PTGER3: variants seen among roughly 807,000 people sequenced by gnomAD.
The protein encoded by PTGER3 is prostaglandin E receptor 3.
In PTGER3, 22 loss-of-function variants were observed where a neutral mutation model predicts 34.7. The observed-to-expected ratio is 0.63, with a 90% confidence interval of 0.45 to 0.91. The LOEUF (loss-of-function observed/expected upper bound fraction) is 0.91, where lower values mean the gene tolerates loss of function less well. Ranked by LOEUF, PTGER3 falls within the 40% of genes least tolerant of loss-of-function variation. The pLI is 0.00. For synonymous variants in PTGER3, 241 were observed against 230.1 expected (o/e 1.05, Z -0.43); for missense variants, 468 against 519.4 (o/e 0.90, Z 0.96).
chr1:70,930,293 C>G (rs766655417), intron 4 of PTGER3, among the ~76,000 whole-genome samples: 17 of 152,152 alleles, frequency 1.1e-4, no homozygotes, highest in Non-Finnish European at 1.9e-4. Flanking sequence ...CTGTGGCTAA[C>G]CACAACCACC....
chr1:70,928,154 C>T (rs570763166), intron 4 of PTGER3, among the ~76,000 whole-genome samples: 1 of 145,488 alleles, frequency 6.9e-6, no homozygotes, highest in African/African-American at 2.5e-5. Flanking sequence ...TATTTATAGA[C>T]ATATATATTT....
At chr1:71,041,924 C>T (rs1321367535) in intron 1 of PTGER3, among the ~76,000 whole-genome samples, 2 of 152,212 alleles carry the variant, frequency 1.3e-5, no homozygotes, top group Non-Finnish European at 2.9e-5. Flanking sequence ...CCTACCACCC[C>T]TCTGCACCCT....
In PTGER3 at chr1:71,046,849, T is replaced by G; in HGVS notation, c.729A>C (p.Thr243=). The G allele has an allele frequency of 6.2e-7, 1 of 1,614,062 alleles. No individual in the cohort carries two copies. Among genetic ancestry groups the G allele is most frequent in the South Asian group, 1.1e-5 (1 of 91,056 alleles). Residue 243 remains threonine, a synonymous_variant, in exon 1 of 4, where the codon ACA becomes ACC. Coordinates refer to ENST00000306666, the MANE Select transcript of PTGER3 (RefSeq NM_198719.2). ...AFAFLGLLAL[T]VTFSCNLATI... ...TGGCCAGGTTGCAGGAAAAGGTGAC[T>G]GTCAGCGCCAAGAGCCCCAGGAAGG...
chr1:71,004,402 G>A (rs1656758375), intron 2 of PTGER3, among the ~76,000 whole-genome samples: 2 of 152,162 alleles, frequency 1.3e-5, no homozygotes, highest in South Asian at 4.1e-4. Context: ...CTGAGGAATT[G>A]AAGACTGGCA....
chr1:70,950,656 C>T (rs1221821669), downstream of PTGER3: 2 of 152,192 alleles, frequency 1.3e-5, no homozygotes, highest in African/African-American at 4.8e-5. Flanking sequence ...ATATGCCTCT[C>T]CTTTTAGATA....
intron 4 of PTGER3, among the ~76,000 whole-genome samples, chr1:70,893,442 G>T (rs908084972): frequency 2.0e-5 from 3 of 152,166 alleles, no homozygotes; most frequent in African/African-American, 2.4e-5. Flanking sequence ...TCCTGGGAAT[G>T]GTAGTAGGGT....
chr1:71,020,139 CT>C (rs1426800940), intron 1 of PTGER3, among the ~76,000 whole-genome samples: 1 of 152,134 alleles, frequency 6.6e-6, no homozygotes, highest in Admixed American at 6.6e-5. Flanking sequence ...CAATTGTAGT[CT>C]CTCCAATCTG....
At chr1:70,957,453 T>C (rs926995293) in intron 2 of PTGER3, among the ~76,000 whole-genome samples, 1 of 152,242 alleles carries the variant, frequency 6.6e-6, no homozygotes, top group Admixed American at 6.5e-5. Flanking sequence ...TTTCCCACCA[T>C]GTGCTTTAAA....
At chr1:70,889,087 G>T (rs1646558562) in intron 4 of PTGER3, among the ~76,000 whole-genome samples, 1 of 152,070 alleles carries the variant, frequency 6.6e-6, no homozygotes, top group Non-Finnish European at 1.5e-5. Context: ...ATGCTAACTT[G>T]CTCTTTAGCG....
At chr1:70,860,022 G>A (rs1572474941) in intron 4 of PTGER3, among the ~76,000 whole-genome samples, 1 of 151,788 alleles carries the variant, frequency 6.6e-6, no homozygotes, top group East Asian at 1.9e-4. Context: ...AATTCAGAAA[G>A]AGTATGGGAC....
At chr1:70,982,910 A>G (rs1654525458) in intron 2 of PTGER3, among the ~76,000 whole-genome samples, 1 of 152,218 alleles carries the variant, frequency 6.6e-6, no homozygotes, top group African/African-American at 2.4e-5. Flanking sequence ...ATATATCAAC[A>G]CATCACAACA....
intron 4 of PTGER3, among the ~76,000 whole-genome samples, chr1:70,939,946 A>C (rs9425049): frequency 0.29 from 44,229 of 152,052 alleles, 7,409 homozygotes; most frequent in African/African-American, 0.46. Flanking sequence ...TTGAATTTCT[A>C]TCCAGAAGAT....
chr1:70,886,194 G>C (rs1572550772), intron 4 of PTGER3: 1 of 371,492 alleles, frequency 2.7e-6, no homozygotes, highest in African/African-American at 2.1e-5. Context: ...ACAAGAGAGA[G>C]CTTGCTTCCC....
At chr1:71,031,713 G>T (rs1659431172) in intron 1 of PTGER3, among the ~76,000 whole-genome samples, 1 of 152,150 alleles carries the variant, frequency 6.6e-6, no homozygotes. Context: ...TTCCAAACCT[G>T]ACCTGCCAGA....
chr1:71,047,095 C>A lies in PTGER3; in HGVS notation c.483G>T (p.Ala161=). ...MAVERALAIR[A]PHWYASHMKT... ...TCATGTGGCTCGCATACCAGTGCGGCGCCCTGATGGCCAGCGCCCGCTCGA... is the reference window on the plus strand; with the variant it reads ...TCATGTGGCTCGCATACCAGTGCGGAGCCCTGATGGCCAGCGCCCGCTCGA... Residue 161 remains alanine, a synonymous_variant, in exon 1 of 4, where the codon GCG becomes GCT. Coordinates refer to ENST00000306666, the MANE Select transcript of PTGER3 (RefSeq NM_198719.2). 6.2e-7 allele frequency: 1 copy of A among 1,608,304 alleles called. No homozygotes were observed. The highest frequency in any genetic ancestry group is 8.5e-7 in the Non-Finnish European group (1 of 1,177,814).
downstream of PTGER3, chr1:70,951,208 T>C (rs961214550): frequency 6.6e-6 from 1 of 152,228 alleles, no homozygotes; most frequent in Non-Finnish European, 1.5e-5. Flanking sequence ...ATCTTCATTT[T>C]CCACCCATTT....
rs1351257163 is a variant in PTGER3 at position 70,852,942 on chromosome 1, C to T, written c.*24-83G>A. The T allele has an allele frequency of 2.1e-6, 3 of 1,450,128 alleles. No individual in the cohort carries two copies. In the East Asian group the frequency reaches 6.8e-5, roughly 33 times the overall value. The allele number at this position is 1,450,128 out of a possible 1,614,324, so 89.8% of individuals were successfully genotyped here. On this transcript the variant is annotated intron_variant, in intron 4 of 4. Transcript: ENST00000370931. ...AAATAAAAATCAAAGGCAATAAATT[C>T]TCATAAATTTCAGATTATGAACAGG...
chr1:70,997,523 A>G (rs1656100578), intron 2 of PTGER3, among the ~76,000 whole-genome samples: 1 of 152,224 alleles, frequency 6.6e-6, no homozygotes, highest in Admixed American at 6.5e-5. Flanking sequence ...AAGTCAATCC[A>G]ATAATCCAAT....
At chr1:71,046,565 C>G in intron 1 of PTGER3, 116 bp downstream of exon 1, 1 of 1,299,576 alleles carries the variant, frequency 7.7e-7, no homozygotes, top group Non-Finnish European at 1.0e-6. Context: ...GGAAAGGACA[C>G]TTCAGCGCTC....
Sources: allele counts gnomAD v4.1 joint callset (sites outside exome capture counted in the v4.1 genomes callset), GRCh38; gene constraint gnomAD v4.1.1; transcripts MANE v1.5; gene names NCBI Gene and HGNC (gene_info 2026-07-23, HGNC 2026-07-21).